Variants in RTL4 observed in about 807,000 individuals in gnomAD.
RTL4 encodes the protein retrotransposon Gag-like protein 4.
Under a neutral mutation model 5.3 loss-of-function variants are expected in RTL4, and 4 were observed. The observed-to-expected ratio is 0.75, with a 90% CI of 0.37 to 1.72. The LOEUF is 1.72. Among genes scored for constraint, RTL4 ranks in the 40% most tolerant of loss-of-function variants. RTL4 has a pLI of 0.04. For missense variants in RTL4, 260 were observed against 227.1 expected, an observed-to-expected ratio of 1.14 and a Z score of -0.93; for synonymous variants, 98 against 87.3, an observed-to-expected ratio of 1.12 and a Z score of -0.68.
chrX:112,278,830 A>C, the RTL4 span, among the ~76,000 whole-genome samples: 23 of 110,575 alleles, frequency 2.1e-4, no homozygotes, highest in African/African-American at 7.2e-4. Context: ...CCTCCTCCCA[A>C]AAAAAAAGAT....
the RTL4 span, among the ~76,000 whole-genome samples, chrX:112,206,097 A>T: frequency 8.9e-6 from 1 of 111,869 alleles, no homozygotes; most frequent in Non-Finnish European, 1.9e-5. Flanking sequence ...TTCTCTAGGC[A>T]CATCTATGGT....
chrX:112,383,963 C>A, the RTL4 span, among the ~76,000 whole-genome samples: 2 of 111,618 alleles, frequency 1.8e-5, no homozygotes, highest in African/African-American at 6.5e-5. Context: ...AAATGTACCC[C>A]CTGAATCTAA....
At chrX:112,116,111 C>T in the RTL4 span, among the ~76,000 whole-genome samples, 3 of 112,157 alleles carry the variant, frequency 2.7e-5, no homozygotes, top group Non-Finnish European at 5.6e-5. Context: ...GCCTGACATC[C>T]GTGTCTTTAG....
At chrX:112,220,343 C>T in the RTL4 span, among the ~76,000 whole-genome samples, 1 of 112,655 alleles carries the variant, frequency 8.9e-6, no homozygotes, top group African/African-American at 3.2e-5. Context: ...ACACTATTAA[C>T]TACCCAAGTA....
chrX:112,270,926 G>A, the RTL4 span, among the ~76,000 whole-genome samples: 1 of 109,866 alleles, frequency 9.1e-6, no homozygotes, highest in Non-Finnish European at 1.9e-5. Flanking sequence ...GGTAACTGAT[G>A]CCTAGGCCAG....
chrX:112,365,230 A>G, the RTL4 span, among the ~76,000 whole-genome samples: 2 of 111,522 alleles, frequency 1.8e-5, no homozygotes, highest in East Asian at 5.7e-4. Context: ...TCCATAGGCC[A>G]AGGATGTTGG....
At chrX:112,454,589 A>T in exon 1 of RTL4, 1 of 543,373 alleles carries the variant, frequency 1.8e-6, no homozygotes, top group Non-Finnish European at 3.0e-6. Flanking sequence ...AGCATCTCCT[A>T]GTGTCTTCTT....
At chrX:112,181,068 G>C in the RTL4 span, among the ~76,000 whole-genome samples, 1 of 111,685 alleles carries the variant, frequency 9.0e-6, no homozygotes, top group Non-Finnish European at 1.9e-5. Flanking sequence ...CACCCGGGAA[G>C]TGCAAGGCGT....
chrX:112,252,201 A>G, the RTL4 span, among the ~76,000 whole-genome samples: 2 of 112,280 alleles, frequency 1.8e-5, no homozygotes, highest in African/African-American at 6.5e-5. Flanking sequence ...TTTTCCAGGT[A>G]TCCTACAAGG....
chrX:112,359,665 A>C, the RTL4 span, among the ~76,000 whole-genome samples: 500 of 111,216 alleles, frequency 4.5e-3, 5 homozygotes, highest in African/African-American at 0.015. Flanking sequence ...GACTGAAGAA[A>C]AATAAGCAAG....
At chrX:112,350,782 G>T in the RTL4 span, among the ~76,000 whole-genome samples, 2 of 110,643 alleles carry the variant, frequency 1.8e-5, no homozygotes, top group Non-Finnish European at 3.8e-5. Flanking sequence ...TCTTGCTAGT[G>T]GTCTATCAAT....
At chrX:112,315,195 G>A in the RTL4 span, among the ~76,000 whole-genome samples, 1 of 111,551 alleles carries the variant, frequency 9.0e-6, no homozygotes, top group East Asian at 2.8e-4. Flanking sequence ...CAGGAGCCAC[G>A]TGACAAAGAG....
chrX:112,232,392 A>G, the RTL4 span, among the ~76,000 whole-genome samples: 5 of 112,571 alleles, frequency 4.4e-5, no homozygotes, highest in African/African-American at 1.6e-4. Flanking sequence ...ACAAGAAAAC[A>G]ATATATATCA....
chrX:112,204,608 C>G, the RTL4 span, among the ~76,000 whole-genome samples: 3 of 111,100 alleles, frequency 2.7e-5, no homozygotes, highest in African/African-American at 9.8e-5. Flanking sequence ...TCTTTGGGAA[C>G]TAAAAATCAA....
chrX:112,187,505 A>G, the RTL4 span, among the ~76,000 whole-genome samples: 1 of 111,693 alleles, frequency 9.0e-6, no homozygotes, highest in African/African-American at 3.3e-5. Context: ...CTGGGCAGAA[A>G]GACAAGATAA....
chrX:112,112,108 A>G, the RTL4 span, among the ~76,000 whole-genome samples: 5 of 111,943 alleles, frequency 4.5e-5, no homozygotes, highest in Non-Finnish European at 7.5e-5. Context: ...TACTGCCACA[A>G]CTATCCATAA....
At chrX:112,230,883 A>C in the RTL4 span, among the ~76,000 whole-genome samples, 1 of 112,043 alleles carries the variant, frequency 8.9e-6, no homozygotes, top group Non-Finnish European at 1.9e-5. Flanking sequence ...ATTTACAAGA[A>C]AAAAACAACC....
the RTL4 span, among the ~76,000 whole-genome samples, chrX:112,308,757 A>G: frequency 9.0e-6 from 1 of 111,445 alleles, no homozygotes; most frequent in African/African-American, 3.3e-5. Flanking sequence ...TTTTCATTCA[A>G]TGTGCCAGCC....
chrX:112,130,578 TACTA>T, the RTL4 span, among the ~76,000 whole-genome samples: 4 of 111,178 alleles, frequency 3.6e-5, no homozygotes, highest in African/African-American at 1.3e-4. Flanking sequence ...ATACAAAAAA[TACTA>T]AGTAAAATGA....
Sources: gnomAD v4.1 joint callset for allele counts (sites outside exome capture counted in the v4.1 genomes callset) on GRCh38, gnomAD v4.1.1 for gene constraint, MANE v1.5 for transcripts, NCBI Gene and HGNC (gene_info 2026-07-23, HGNC 2026-07-21) for gene names.